Variants in PIAS2 observed in about 807,000 individuals in gnomAD.
The protein encoded by PIAS2 is protein inhibitor of activated STAT 2.
Under a neutral mutation model 69.7 loss-of-function variants are expected in PIAS2, and 19 were observed. The observed-to-expected ratio is 0.27, with a 90% CI of 0.19 to 0.40. The LOEUF (loss-of-function observed/expected upper bound fraction) is 0.40, where lower values mean the gene tolerates loss of function less well. Among genes scored for constraint, PIAS2 ranks in the 10% least tolerant of loss-of-function variants. The pLI, the probability that PIAS2 is intolerant of heterozygous loss-of-function variation, is 1.00. For synonymous variants in PIAS2, 261 were observed against 263.2 expected, an observed-to-expected ratio of 0.99 and a Z score of 0.08; for missense variants, 624 against 757.0, an observed-to-expected ratio of 0.82 and a Z score of 2.06.
rs1169506277 is a variant in PIAS2, at chr18:46,890,614, A to C, written c.465T>G (p.Asp155Glu). ...DVQLKNLPFY[D>E]VLDVLIKPTS... is the part of the protein sequence containing the mutation. ...TGGGCTTGATGAGAACATCAAGGACATCATAAAAGGGCAGATTTTTTAACT... is the reference window on the plus strand; with the variant it reads ...TGGGCTTGATGAGAACATCAAGGACCTCATAAAAGGGCAGATTTTTTAACT... Residue 155 changes from aspartate to glutamate, a missense_variant, in exon 2 of 14, where the codon GAT becomes GAG. Around this residue, in one of 3 missense-constraint regions of PIAS2, gnomAD observed 339 missense variants for 408.8 expected, o/e 0.83. Coordinates refer to ENST00000585916, the MANE Select transcript of PIAS2 (RefSeq NM_004671.5). The C allele has an allele frequency of 6.2e-7, 1 of 1,613,814 alleles. No homozygotes were observed. The highest frequency in any genetic ancestry group is 8.5e-7 in the Non-Finnish European group (1 of 1,179,788).
intron 1 of PIAS2, chr18:46,915,414 A>T (rs1450743735): frequency 6.6e-6 from 1 of 152,216 alleles, no homozygotes; most frequent in African/African-American, 2.4e-5. Flanking sequence ...AAAGAAAAGC[A>T]GATGATGCTT....
chr18:46,875,781 CT>C lies in PIAS2; in HGVS notation c.500-11534del, dbSNP rs1455936608. On this transcript the variant is annotated intron_variant, in intron 2 of 13. Coordinates refer to ENST00000585916, the MANE Select transcript of PIAS2 (RefSeq NM_004671.5). ...ACTCTAAACAAAAGAGATTGTTATG[CT>C]TGTGCGCACCGCAGGCCAGAGGCCC... Among the ~76,000 whole-genome samples, 9 of 152,346 alleles carry C rather than the reference CT, an allele frequency of 5.9e-5. No individual in the cohort carries two copies. The East Asian group carries it at 1.5e-3, about 26-fold the overall frequency.
chr18:46,891,021 G>A lies in PIAS2; in HGVS notation c.58C>T (p.Gln20Ter). ...CGTCCAGCAAAGCCTAGTAATACTT[G>A]TAGTTCAGAAACCCTAAAACTAGAA... Reference protein sequence around the residue: ...MVSSFRVSELQVLLGFAGRNK... With the variant: ...MVSSFRVSEL The change falls in exon 2 of 14, where the codon CAA (glutamine) becomes TAA (stop). Residue 20 changes from glutamine to a stop codon, truncating the protein, a stop_gained. Coordinates refer to ENST00000585916, the MANE Select transcript of PIAS2 (RefSeq NM_004671.5). LOFTEE classifies it high-confidence loss of function. 6.2e-7 allele frequency: 1 copy of A among 1,605,430 alleles called. No individual in the cohort carries two copies. The highest frequency in any genetic ancestry group is 8.5e-7 in the Non-Finnish European group (1 of 1,175,560).
At chr18:46,904,931 C>A (rs538641424) in intron 1 of PIAS2, among the ~76,000 whole-genome samples, 1 of 151,808 alleles carries the variant, frequency 6.6e-6, no homozygotes, top group African/African-American at 2.4e-5. Flanking sequence ...GATAGAACTA[C>A]AAAGAAAAAT....
intron 1 of PIAS2, among the ~76,000 whole-genome samples, chr18:46,893,864 C>T (rs943493585): frequency 7.9e-5 from 12 of 152,124 alleles, no homozygotes; most frequent in African/African-American, 2.2e-4. Context: ...CAGTGGCTCA[C>T]GCTTATAATC....
At chr18:46,816,638 A>ATT in intron 12 of PIAS2, 11 of 242,886 alleles carry the variant, frequency 4.5e-5, no homozygotes, top group Middle Eastern at 2.1e-3. Flanking sequence ...TATTATTATT[A>ATT]TTTTTTTTTT....
At chr18:46,913,213 T>C (rs570793435) in intron 1 of PIAS2, among the ~76,000 whole-genome samples, 1 of 152,318 alleles carries the variant, frequency 6.6e-6, no homozygotes, top group South Asian at 2.1e-4. Flanking sequence ...ATTCTCCTGC[T>C]GCATCCTAAC....
chr18:46,849,975 C>T (rs1320713970), intron 5 of PIAS2, among the ~76,000 whole-genome samples: 9 of 152,176 alleles, frequency 5.9e-5, no homozygotes, highest in African/African-American at 1.9e-4. Context: ...TAAAAACCCA[C>T]AGCATTACAA....
intron 8 of PIAS2, among the ~76,000 whole-genome samples, chr18:46,840,505 T>C (rs935429360): frequency 1.3e-5 from 2 of 152,206 alleles, no homozygotes; most frequent in Non-Finnish European, 2.9e-5. Flanking sequence ...TTAGGGATTG[T>C]TTTTGTCGTT....
At chr18:46,856,684 C>T (rs1054816398) in intron 3 of PIAS2, among the ~76,000 whole-genome samples, 4 of 152,150 alleles carry the variant, frequency 2.6e-5, no homozygotes, top group Admixed American at 2.6e-4. Flanking sequence ...TTAACAAGAT[C>T]CTCAGGTGAC....
chr18:46,910,332 G>C (rs973465131), intron 1 of PIAS2, among the ~76,000 whole-genome samples: 1 of 152,106 alleles, frequency 6.6e-6, no homozygotes, highest in Non-Finnish European at 1.5e-5. Flanking sequence ...TTACACTAAT[G>C]AATTAGTAAA....
chr18:46,916,932 T>A (rs913310857), intron 1 of PIAS2: 1 of 985,488 alleles, frequency 1.0e-6, no homozygotes, highest in South Asian at 4.7e-5. Flanking sequence ...TGCAGACTTG[T>A]GAATAGCCAC....
At chr18:46,872,167 G>A (rs985628363) in intron 2 of PIAS2, among the ~76,000 whole-genome samples, 3 of 152,030 alleles carry the variant, frequency 2.0e-5, no homozygotes, top group African/African-American at 7.3e-5. Flanking sequence ...GAAATTAGAC[G>A]GGTCATGCTG....
chr18:46,871,199 A>C (rs1489852913), intron 2 of PIAS2, among the ~76,000 whole-genome samples: 1 of 152,192 alleles, frequency 6.6e-6, no homozygotes, highest in Non-Finnish European at 1.5e-5. Flanking sequence ...CTTTTAAGAG[A>C]AGCTCAAAAA....
At chr18:46,863,647 A>C (rs1229973399) in intron 3 of PIAS2, among the ~76,000 whole-genome samples, 13 of 152,242 alleles carry the variant, frequency 8.5e-5, no homozygotes, top group Admixed American at 8.5e-4. Flanking sequence ...AAAGTAATCT[A>C]AAAGACATTG....
At chr18:46,852,867 C>G (rs1404882304) in intron 5 of PIAS2, 1 of 152,324 alleles carries the variant, frequency 6.6e-6, no homozygotes, top group African/African-American at 2.4e-5. Context: ...CACAGTCACA[C>G]GATGATACAG....
upstream of PIAS2, chr18:46,917,559 T>G (rs1440215999): frequency 1.6e-5 from 18 of 1,108,418 alleles, no homozygotes; most frequent in Non-Finnish European, 2.0e-5. Flanking sequence ...CCCCTAGCGG[T>G]GCCCCCTGCC....
chr18:46,859,854 ATAT>A (rs2048400578), intron 3 of PIAS2, among the ~76,000 whole-genome samples: 2 of 152,326 alleles, frequency 1.3e-5, no homozygotes, highest in African/African-American at 4.8e-5. Context: ...ACATTAATGA[ATAT>A]TATCATAGAG....
At chr18:46,847,675 G>T (rs2046354801) in intron 5 of PIAS2, among the ~76,000 whole-genome samples, 1 of 151,958 alleles carries the variant, frequency 6.6e-6, no homozygotes, top group Non-Finnish European at 1.5e-5. Flanking sequence ...GTAGAGACAG[G>T]GTTTCACCAT....
Sources: allele counts gnomAD v4.1 joint callset (sites outside exome capture counted in the v4.1 genomes callset), GRCh38; gene constraint gnomAD v4.1.1; regional missense constraint gnomAD v4.1.1; transcripts MANE v1.5; gene names NCBI Gene and HGNC (gene_info 2026-07-23, HGNC 2026-07-21).